LUZP2: variants seen among roughly 807,000 people sequenced by gnomAD.
LUZP2 encodes the protein leucine zipper protein 2.
LUZP2 carries 52 observed loss-of-function variants against 51.6 expected under a neutral mutation model. That is an observed-to-expected ratio of 1.01 (90% confidence interval 0.81 to 1.27). The LOEUF (loss-of-function observed/expected upper bound fraction) is 1.27, where lower values mean the gene tolerates loss of function less well. LUZP2 is among the 50% of genes most tolerant of loss of function. LUZP2 has a pLI of 0.00. For synonymous variants in LUZP2, 154 were observed against 137.3 expected, an observed-to-expected ratio of 1.12 and a Z score of -0.85; for missense variants, 436 against 395.4, an observed-to-expected ratio of 1.10 and a Z score of -0.87.
chr11:24,581,735 G>A (rs1486457172), intron 1 of LUZP2, among the ~76,000 whole-genome samples: 1 of 140,660 alleles, frequency 7.1e-6, no homozygotes, highest in Admixed American at 7.2e-5. Flanking sequence ...AAATATAAAT[G>A]TGCTAACCTT....
intron 9 of LUZP2, among the ~76,000 whole-genome samples, chr11:25,004,712 C>A (rs191386015): frequency 1.8e-4 from 28 of 152,214 alleles, no homozygotes; most frequent in Admixed American, 1.2e-3. Context: ...TGGGCTTTTT[C>A]CTAATTCTCC....
At chr11:25,017,063 G>T (rs1857181108) in intron 9 of LUZP2, among the ~76,000 whole-genome samples, 1 of 151,966 alleles carries the variant, frequency 6.6e-6, no homozygotes, top group African/African-American at 2.4e-5. Context: ...TTGGCCATTT[G>T]TATATCTTAT....
chr11:24,867,478 G>C (rs953768585), intron 5 of LUZP2, among the ~76,000 whole-genome samples: 16 of 152,016 alleles, frequency 1.1e-4, no homozygotes, highest in African/African-American at 3.9e-4. Context: ...TGGTTTTCTT[G>C]TTCAGAAACT....
chr11:25,061,316 A>G (rs1446171), intron 10 of LUZP2, among the ~76,000 whole-genome samples: 137,436 of 152,048 alleles, frequency 0.9, 62,979 homozygotes, highest in Non-Finnish European at 0.98. Flanking sequence ...TGCTTTTGTG[A>G]TCATATAATA....
At chr11:24,708,550 T>C (rs1857691205) in intron 1 of LUZP2, among the ~76,000 whole-genome samples, 1 of 152,192 alleles carries the variant, frequency 6.6e-6, no homozygotes, top group South Asian at 2.1e-4. Flanking sequence ...GGGGTTATAC[T>C]AGGCACAGCG....
intron 1 of LUZP2, among the ~76,000 whole-genome samples, chr11:24,584,440 A>T (rs1345172854): frequency 6.6e-6 from 1 of 152,202 alleles, no homozygotes; most frequent in African/African-American, 2.4e-5. Context: ...TCACCAAAGA[A>T]GTAAACAGCT....
intron 5 of LUZP2, among the ~76,000 whole-genome samples, chr11:24,848,325 C>T (rs1363765007): frequency 6.6e-6 from 1 of 152,126 alleles, no homozygotes; most frequent in African/African-American, 2.4e-5. Flanking sequence ...CCATCCTTAA[C>T]AGTAAAAATT....
chr11:24,886,644 G>T (rs1244638177), intron 5 of LUZP2, among the ~76,000 whole-genome samples: 1 of 152,154 alleles, frequency 6.6e-6, no homozygotes, highest in Non-Finnish European at 1.5e-5. Flanking sequence ...TTAAGGGGAA[G>T]AAACCATAAA....
At chr11:24,711,148 G>A (rs1405976100) in intron 1 of LUZP2, among the ~76,000 whole-genome samples, 1 of 152,276 alleles carries the variant, frequency 6.6e-6, no homozygotes, top group East Asian at 1.9e-4. Context: ...AGAAAGCATT[G>A]CTTTAATAAG....
chr11:25,041,554 AG>A (rs1205984939), intron 9 of LUZP2, among the ~76,000 whole-genome samples: 2 of 152,204 alleles, frequency 1.3e-5, no homozygotes, highest in African/African-American at 2.4e-5. Flanking sequence ...TTGCATTTAA[AG>A]TGCTTACCAA....
chr11:24,680,942 C>T (rs1856711967), intron 1 of LUZP2, among the ~76,000 whole-genome samples: 1 of 151,404 alleles, frequency 6.6e-6, no homozygotes, highest in Non-Finnish European at 1.5e-5. Flanking sequence ...TGAACTTGAA[C>T]ACTCTTTATG....
At chr11:24,771,906 G>A (rs1349193207) in intron 5 of LUZP2, among the ~76,000 whole-genome samples, 1 of 152,124 alleles carries the variant, frequency 6.6e-6, no homozygotes, top group Non-Finnish European at 1.5e-5. Flanking sequence ...CTCCATGATT[G>A]TCAGACCTCC....
intron 7 of LUZP2, among the ~76,000 whole-genome samples, chr11:24,961,649 G>T (rs1051502850): frequency 6.6e-6 from 1 of 152,060 alleles, no homozygotes; most frequent in African/African-American, 2.4e-5. Flanking sequence ...GTCTCTGCAT[G>T]TGAGATGGGT....
intron 5 of LUZP2, among the ~76,000 whole-genome samples, chr11:24,818,226 T>C (rs1271496696): frequency 6.6e-6 from 1 of 152,048 alleles, no homozygotes. Flanking sequence ...AGATAATGTT[T>C]AGGTTTCTTC....
rs747640846 is a variant in LUZP2, at chr11:24,958,942, G to A, written c.523-17649G>A. Among the ~76,000 whole-genome samples the A allele has an allele frequency of 2.0e-3, 305 of 152,276 alleles. 3 individuals carry two copies. Among genetic ancestry groups the A allele is most frequent in the South Asian group, 4.4e-3 (21 of 4,826 alleles). ...AATTGATTTTTATATAAGGTAGTAA[G>A]GAAGGGATCCAGTTTCAGCTTTCTA... is the stretch of plus-strand genomic sequence containing the variant. On this transcript the variant is annotated intron_variant, in intron 7 of 11. Transcript: ENST00000336930.
chr11:25,014,692 C>G (rs1292224426), intron 9 of LUZP2, among the ~76,000 whole-genome samples: 1 of 152,158 alleles, frequency 6.6e-6, no homozygotes, highest in Non-Finnish European at 1.5e-5. Context: ...TTCTCCCATT[C>G]TGTAGGTTAC....
At chr11:24,896,923 G>A (rs928720447) in intron 5 of LUZP2, among the ~76,000 whole-genome samples, 1 of 152,108 alleles carries the variant, frequency 6.6e-6, no homozygotes, top group South Asian at 2.1e-4. Flanking sequence ...CTCGCTAAAG[G>A]ATTGTAAATA....
intron 1 of LUZP2, among the ~76,000 whole-genome samples, chr11:24,595,062 C>G (rs1853395434): frequency 6.6e-6 from 1 of 151,704 alleles, no homozygotes; most frequent in Non-Finnish European, 1.5e-5. Flanking sequence ...GCCCATTGAC[C>G]ACTCTTACAG....
intron 9 of LUZP2, among the ~76,000 whole-genome samples, chr11:25,019,505 AT>A (rs1205902727): frequency 1.3e-5 from 2 of 152,094 alleles, no homozygotes; most frequent in African/African-American, 4.8e-5. Context: ...TTTAATTATT[AT>A]TATTTTTATT....
Sources: gnomAD v4.1 joint callset for allele counts (sites outside exome capture counted in the v4.1 genomes callset) on GRCh38, gnomAD v4.1.1 for gene constraint, MANE v1.5 for transcripts, NCBI Gene and HGNC (gene_info 2026-07-23, HGNC 2026-07-21) for gene names.